VIT: variants seen among roughly 807,000 people sequenced by gnomAD.
VIT encodes the protein vitrin.
A neutral mutation model predicts 78.0 loss-of-function variants in VIT; 99 were observed. The ratio of observed to expected loss-of-function variants is 1.27; its 90% CI spans 1.08 to 1.50. The LOEUF is 1.50. Ranked by LOEUF, VIT falls within the 40% of genes most tolerant of loss-of-function variation. The pLI, the probability that VIT is intolerant of heterozygous loss-of-function variation, is 0.00. For synonymous variants in VIT, 374 were observed against 334.3 expected (o/e 1.12, Z -1.29); for missense variants, 1,126 against 875.3 (o/e 1.29, Z -3.61).
intron 5 of VIT, among the ~76,000 whole-genome samples, chr2:36,758,071 C>T (rs1191719040): frequency 1.3e-5 from 2 of 152,320 alleles, no homozygotes; most frequent in East Asian, 3.9e-4. Context: ...AAAGTATTCC[C>T]TCCAGATGGG....
At chr2:36,778,568 C>T (rs568969995) in intron 9 of VIT, among the ~76,000 whole-genome samples, 16 of 152,290 alleles carry the variant, frequency 1.1e-4, no homozygotes, top group African/African-American at 3.6e-4. Flanking sequence ...TACCCCACAC[C>T]GAGCCTTGGA....
intron 3 of VIT, among the ~76,000 whole-genome samples, chr2:36,741,977 C>T (rs1266918954): frequency 6.6e-6 from 1 of 152,208 alleles, no homozygotes; most frequent in Admixed American, 6.5e-5. Flanking sequence ...CCAATTCTTG[C>T]TTCCTCATGC....
At chr2:36,736,998 G>A (rs908078609) in intron 3 of VIT, among the ~76,000 whole-genome samples, 3 of 152,104 alleles carry the variant, frequency 2.0e-5, no homozygotes, top group Admixed American at 2.0e-4. Flanking sequence ...AAAGTACCAT[G>A]AAGATCCAAT....
chr2:36,751,806 T>C (rs571577346), intron 4 of VIT, among the ~76,000 whole-genome samples: 3 of 152,288 alleles, frequency 2.0e-5, no homozygotes, highest in Admixed American at 2.0e-4. Flanking sequence ...GTGACTGATA[T>C]AGTGGAAAAT....
intron 1 of VIT, among the ~76,000 whole-genome samples, chr2:36,707,658 C>T (rs372097636): frequency 9.9e-5 from 15 of 152,218 alleles, no homozygotes; most frequent in South Asian, 2.1e-4. Context: ...TTTACCAAAT[C>T]GGGATTCTGT....
At chr2:36,750,512 C>G (rs541780657) in intron 4 of VIT, among the ~76,000 whole-genome samples, 114 of 152,282 alleles carry the variant, frequency 7.5e-4, no homozygotes, top group Non-Finnish European at 2.5e-4. Flanking sequence ...TTTGACCTCA[C>G]CAAAGATGAC....
chr2:36,789,727 C>T (rs1358846294), intron 12 of VIT, among the ~76,000 whole-genome samples: 4 of 152,170 alleles, frequency 2.6e-5, no homozygotes, highest in Admixed American at 2.6e-4. Context: ...CTCTTTGCTC[C>T]CCCTTAAAAT....
At chr2:36,802,351 A>G (rs1195915925) in intron 13 of VIT, among the ~76,000 whole-genome samples, 2 of 152,220 alleles carry the variant, frequency 1.3e-5, no homozygotes, top group Non-Finnish European at 2.9e-5. Context: ...TGTTTCTGTC[A>G]TCAAAATCCA....
chr2:36,757,302 G>A (rs191535628), intron 5 of VIT, among the ~76,000 whole-genome samples: 2 of 152,198 alleles, frequency 1.3e-5, no homozygotes, highest in Non-Finnish European at 2.9e-5. Context: ...TGAGCTAAGA[G>A]GGGGAGCAAA....
intron 6 of VIT, among the ~76,000 whole-genome samples, chr2:36,765,368 C>A (rs1220252999): frequency 2.0e-5 from 3 of 150,582 alleles, no homozygotes; most frequent in Non-Finnish European, 4.4e-5. Context: ...ATGAAACATA[C>A]AATCATGGCA....
chr2:36,805,763 A>C, intron 14 of VIT, 99 bp downstream of exon 14: 1 of 1,305,314 alleles, frequency 7.7e-7, no homozygotes, highest in Non-Finnish European at 1.1e-6. Context: ...TTAAATGTGC[A>C]TGAAGCTCAT....
At chr2:36,765,107 T>C (rs1669340325) in intron 6 of VIT, among the ~76,000 whole-genome samples, 1 of 152,152 alleles carries the variant, frequency 6.6e-6, no homozygotes, top group Admixed American at 6.5e-5. Flanking sequence ...GGGGAGCCTT[T>C]GCTAATGTGA....
chr2:36,800,046 CAAA>C (rs754185532), intron 12 of VIT, among the ~76,000 whole-genome samples: 2 of 89,336 alleles, frequency 2.2e-5, no homozygotes, highest in Non-Finnish European at 2.6e-5. Flanking sequence ...GACTCCGTCT[CAAA>C]AAAAAAAAAA....
chr2:36,790,878 T>C (rs1284745838), intron 12 of VIT, among the ~76,000 whole-genome samples: 1 of 148,824 alleles, frequency 6.7e-6, no homozygotes, highest in Non-Finnish European at 1.5e-5. Flanking sequence ...TTGCACCTAA[T>C]ACCAACAGGA....
intron 3 of VIT, among the ~76,000 whole-genome samples, chr2:36,730,986 T>C (rs1468462965): frequency 6.6e-6 from 1 of 152,066 alleles, no homozygotes; most frequent in Non-Finnish European, 1.5e-5. Flanking sequence ...ATATGTAAAA[T>C]AGGTGAAGGG....
At chr2:36,774,940 T>C in intron 8 of VIT, 62 bp from the exon 9 acceptor site, 3 of 1,593,316 alleles carry the variant, frequency 1.9e-6, no homozygotes, top group South Asian at 2.3e-5. Context: ...GGGGGCAAAA[T>C]AAGGAAAGAA....
chr2:36,776,106 G>A (rs1012976722), intron 9 of VIT, among the ~76,000 whole-genome samples: 4 of 152,150 alleles, frequency 2.6e-5, no homozygotes, highest in Non-Finnish European at 4.4e-5. Flanking sequence ...ACCCTATATC[G>A]AATAACTTCA....
In VIT at chr2:36,717,942, G is replaced by C. The variant is rs1332248574; in HGVS notation, c.52+1520G>C. Among the ~76,000 whole-genome samples the C allele has an allele frequency of 2.0e-5, 3 of 152,300 alleles. No homozygotes were observed. The East Asian group carries it at 5.8e-4, about 29-fold the overall frequency. Reference sequence around the variant, plus strand: ...GAATCTGTTCCATGTCTCTCTCCTAGCTTCTGGCTGTTTGCTGGCAATCTT... The same window carrying C: ...GAATCTGTTCCATGTCTCTCTCCTACCTTCTGGCTGTTTGCTGGCAATCTT... On this transcript the variant is annotated intron_variant, in intron 2 of 15. Coordinates refer to ENST00000379242, the MANE Select transcript of VIT (RefSeq NM_053276.4).
At chr2:36,756,925 G>T (rs890914170) in intron 5 of VIT, among the ~76,000 whole-genome samples, 1 of 152,148 alleles carries the variant, frequency 6.6e-6, no homozygotes, top group African/African-American at 2.4e-5. Flanking sequence ...AGATGTTTTG[G>T]GCTTTTTAAG....
Sources: allele counts gnomAD v4.1 joint callset (sites outside exome capture counted in the v4.1 genomes callset), GRCh38; gene constraint gnomAD v4.1.1; transcripts MANE v1.5; gene names NCBI Gene and HGNC (gene_info 2026-07-23, HGNC 2026-07-21).